The following RASL12 variants were observed in gnomAD, a reference collection of about 807,000 sequenced individuals.
The protein encoded by RASL12 is ras-like protein family member 12.
Under a neutral mutation model 22.9 loss-of-function variants are expected in RASL12, and 16 were observed. That is an observed-to-expected ratio of 0.70 (90% CI 0.47 to 1.06). The LOEUF (loss-of-function observed/expected upper bound fraction) is 1.06, where lower values mean the gene tolerates loss of function less well. Ranked by LOEUF, RASL12 falls within the 50% of genes least tolerant of loss-of-function variation. RASL12 has a pLI of 0.00. For missense variants in RASL12, 306 were observed against 353.1 expected, an observed-to-expected ratio of 0.87 and a Z score of 1.07; for synonymous variants, 159 against 152.2, an observed-to-expected ratio of 1.04 and a Z score of -0.33.
chr15:65,051,340 C>A (rs189105034), downstream of RASL12, among the ~76,000 whole-genome samples: 10 of 152,360 alleles, frequency 6.6e-5, no homozygotes, highest in Admixed American at 2.6e-4. Flanking sequence ...GTCTTCCACC[C>A]TCCCACCTGT....
rs150231433 is a variant in RASL12, at chr15:65,057,559, T to C, written c.425+868A>G. On this transcript the variant is annotated intron_variant, in intron 4 of 4. Transcript: ENST00000220062. ...CTATGCCAGCCAAGCAAAATATGGC[T>C]GCAGTATTCTTCAGTAATGCATCCT... 4.2e-4 allele frequency among the ~76,000 whole-genome samples: 64 copies of C among 152,306 alleles called. No homozygotes were observed. In the East Asian group the frequency reaches 0.011, roughly 26 times the overall value.
chr15:65,067,193 G>A (rs975277451), intron 1 of RASL12, among the ~76,000 whole-genome samples: 1 of 152,158 alleles, frequency 6.6e-6, no homozygotes, highest in Admixed American at 6.5e-5. Flanking sequence ...TCTACGGGGA[G>A]GGGGTGTGGA....
chr15:65,072,512 C>T (rs971075030), upstream of RASL12, among the ~76,000 whole-genome samples: 1 of 152,214 alleles, frequency 6.6e-6, no homozygotes, highest in Non-Finnish European at 1.5e-5. Flanking sequence ...AGAAGGCCTG[C>T]AGGTAAGGAT....
upstream of RASL12, chr15:65,068,242 A>C (rs1181123727): frequency 1.0e-6 from 1 of 988,010 alleles, no homozygotes; most frequent in Non-Finnish European, 1.2e-6. This position sits in a 1 kb window ranked among gnomAD's most constrained non-coding sequence, Gnocchi z 4.2. Context: ...CTAGGGGGAG[A>C]GAGGGGAAGG....
Position 65,055,163 on chromosome 15 carries a change from T to G in RASL12, c.537A>C (p.Ala179=). Residue 179 remains alanine (A), a synonymous_variant, in exon 5 of 5, where the codon GCA becomes GCC. Coordinates refer to ENST00000220062, the MANE Select transcript of RASL12 (RefSeq NM_016563.4). ...CCAGCTCCCGCCGTGCCTCTCGCAC[T>G]GCCTCGTGGAAGACATGCTGCACGT... ...FEHVQHVFHE[A]VREARRELEK... 6.2e-7 allele frequency: 1 copy of G among 1,612,692 alleles called. No homozygotes were observed. Among genetic ancestry groups the G allele is most frequent in the South Asian group, 1.1e-5 (1 of 90,922 alleles).
At chr15:65,076,607 A>C in exon 1 of RASL12, 1 of 702,926 alleles carries the variant, frequency 1.4e-6, no homozygotes, top group Middle Eastern at 2.3e-4. Context: ...ATTTCTTCTA[A>C]GGATATGAGT....
chr15:65,058,320 A>C, intron 4 of RASL12, 107 bp downstream of exon 4: 3 of 871,072 alleles, frequency 3.4e-6, no homozygotes, highest in Non-Finnish European at 4.9e-6. Context: ...ACCACAATTC[A>C]AGGGGATGAC....
Position 65,065,367 on chromosome 15 carries a change from C to T in RASL12, c.104-94G>A, listed in dbSNP as rs549502645. 78 of 1,132,734 alleles carry T rather than the reference C, an allele frequency of 6.9e-5. No homozygotes were observed. The East Asian group carries it at 1.9e-3, about 27-fold the overall frequency. The allele number at this position is 1,132,734 out of a possible 1,614,324, so 70.2% of individuals were successfully genotyped here. A position where few individuals can be genotyped will look rare whatever the true frequency, so the allele number is the denominator to read the frequency against. On this transcript the variant is annotated intron_variant, in intron 1 of 4. Transcript: ENST00000220062. The stretch of plus-strand genomic sequence containing the variant: ...GGAGGCCTTATCTAACCTCTGTGAT[C>T]CCCGGCTGACACCAAGCTCAGCTCT...
the RASL12 span, among the ~76,000 whole-genome samples, chr15:65,046,803 C>T: frequency 6.6e-6 from 1 of 151,870 alleles, no homozygotes; most frequent in Non-Finnish European, 1.5e-5. Context: ...GTACCAGCTG[C>T]TCAGGAGGCT....
At position 65,067,754 on chromosome 15, in the gene RASL12, G is replaced by A. The variant is rs1216496113; in HGVS notation, c.82C>T (p.Arg28Cys). Residue 28 changes from arginine to cysteine, a missense_variant, in exon 1 of 5, where the codon CGC becomes TGC. Transcript: ENST00000220062. ...PLEVNLAILG[R>C]RGAGKSALTV... ...TCACCAGACTTGCCAGCCCCGCGGCGCCCCAGGATGGCCAGGTTGACCTCG... is the reference window on the plus strand; with the variant it reads ...TCACCAGACTTGCCAGCCCCGCGGCACCCCAGGATGGCCAGGTTGACCTCG... The A allele has an allele frequency of 3.2e-6, 5 of 1,571,130 alleles. No individual in the cohort carries two copies. The highest frequency in any genetic ancestry group is 1.4e-5 in the African/African-American group (1 of 72,450).
intron 3 of RASL12, 22 bp downstream of exon 3, chr15:65,059,323 T>C (rs753551738): frequency 1.9e-6 from 3 of 1,604,270 alleles, no homozygotes; most frequent in African/African-American, 2.7e-5. Flanking sequence ...CAGCAGTGCA[T>C]AGGTAATGGA....
At chr15:65,056,251 A>C (rs1378276089) in intron 4 of RASL12, among the ~76,000 whole-genome samples, 2 of 152,014 alleles carry the variant, frequency 1.3e-5, no homozygotes, top group African/African-American at 2.4e-5. Context: ...GAGAGGAGGC[A>C]CTCGAGTGGG....
upstream of RASL12, among the ~76,000 whole-genome samples, chr15:65,071,193 T>A (rs1566958031): frequency 6.6e-6 from 1 of 152,200 alleles, no homozygotes; most frequent in Admixed American, 6.5e-5. Flanking sequence ...TGTATGCCCA[T>A]CGTTGTGAAT....
downstream of RASL12, among the ~76,000 whole-genome samples, chr15:65,052,099 G>A (rs2086661317): frequency 6.6e-6 from 1 of 152,218 alleles, no homozygotes; most frequent in Non-Finnish European, 1.5e-5. Context: ...GAGTTATTAA[G>A]GAAGTGGGCA....
chr15:65,066,153 A>G (rs1256616969), intron 1 of RASL12, among the ~76,000 whole-genome samples: 1 of 151,612 alleles, frequency 6.6e-6, no homozygotes, highest in African/African-American at 2.4e-5. Flanking sequence ...AGAAAGAAGA[A>G]GAGAGGGATG....
rs2232761 is a variant in RASL12 at position 65,055,073 on chromosome 15, C to T, written c.627G>A (p.Pro209=). ...TGGCCAGCCCATGCCGCGCGGTGAG[C>T]GGGGCCTGGTGGGGCAGGGCCCTCT... The part of the protein sequence containing the change: ...SEERALPHQA[P]LTARHGLASC... Residue 209 remains proline, a synonymous_variant, in exon 5 of 5, where the codon CCG becomes CCA. Transcript: ENST00000220062. 4.9e-3 allele frequency: 7,897 copies of T among 1,612,468 alleles called. 338 individuals are homozygous for T. The African/African-American group carries it at 0.089, about 18-fold the overall frequency.
At chr15:65,056,833 T>C (rs1595904143) in intron 4 of RASL12, among the ~76,000 whole-genome samples, 2 of 152,200 alleles carry the variant, frequency 1.3e-5, no homozygotes, top group African/African-American at 4.8e-5. Context: ...AGGAATACAT[T>C]GTCCTGAGTT....
chr15:65,067,889 C>A lies in RASL12; in HGVS notation c.-54G>T, dbSNP rs540276468. ...TGCGGCCGGTGGGCCCCGCGCAGTG[C>A]GCCCGCCCGTCGGGGCCCAGGGGAG... On this transcript the variant is annotated 5_prime_UTR_variant, in exon 1 of 5. Coordinates refer to ENST00000220062, the MANE Select transcript of RASL12 (RefSeq NM_016563.4). The A allele has an allele frequency of 2.2e-4, 297 of 1,380,734 alleles. 5 individuals are homozygous for A. The South Asian group carries it at 4.6e-3, about 22-fold the overall frequency. The allele number at this position is 1,380,734 out of a possible 1,614,324, so 85.5% of individuals were successfully genotyped here.
downstream of RASL12, chr15:65,051,380 C>T (rs1434015968): frequency 7.9e-6 from 6 of 761,188 alleles, no homozygotes; most frequent in African/African-American, 6.9e-5. Context: ...GGCAAGGGGC[C>T]CATCTTTGAT....
Sources: gnomAD v4.1 joint callset for allele counts (sites outside exome capture counted in the v4.1 genomes callset) on GRCh38, gnomAD v4.1.1 for gene constraint, Gnocchi (gnomAD v3.1) non-coding constraint, MANE v1.5 for transcripts, NCBI Gene and HGNC (gene_info 2026-07-23, HGNC 2026-07-21) for gene names.